Variants in ADCY2 observed in about 807,000 individuals in gnomAD.
ADCY2 encodes the protein adenylate cyclase 2.
Under a neutral mutation model 125.2 loss-of-function variants are expected in ADCY2, and 31 were observed. That is an observed-to-expected ratio of 0.25 (90% CI 0.19 to 0.33). The LOEUF is 0.33. Among genes scored for constraint, ADCY2 ranks in the 10% least tolerant of loss-of-function variants. ADCY2 has a pLI of 1.00. For synonymous variants in ADCY2, 512 were observed against 548.4 expected, an observed-to-expected ratio of 0.93 and a Z score of 0.93; for missense variants, 904 against 1,418.2, an observed-to-expected ratio of 0.64 and a Z score of 5.82.
chr5:7,506,892 A>G (rs1743841386), intron 2 of ADCY2, among the ~76,000 whole-genome samples: 1 of 131,250 alleles, frequency 7.6e-6, no homozygotes, highest in Admixed American at 9.6e-5. Context: ...GGTTCACGCC[A>G]TTCTCCTGCC....
chr5:7,770,032 C>T (rs1194694685), intron 17 of ADCY2, among the ~76,000 whole-genome samples: 1 of 152,178 alleles, frequency 6.6e-6, no homozygotes, highest in Non-Finnish European at 1.5e-5. Flanking sequence ...GTGTCCTCTC[C>T]CACACATCCC....
At chr5:7,579,303 A>G (rs1442531301) in intron 3 of ADCY2, among the ~76,000 whole-genome samples, 1 of 152,198 alleles carries the variant, frequency 6.6e-6, no homozygotes. Flanking sequence ...ACTCAGTGCC[A>G]GTTGGGATGG....
intron 15 of ADCY2, among the ~76,000 whole-genome samples, chr5:7,750,182 T>A (rs1000647256): frequency 7.2e-5 from 11 of 152,196 alleles, no homozygotes; most frequent in Non-Finnish European, 1.5e-4. Flanking sequence ...CTACTTGTTT[T>A]TCCTTCTTTT....
At position 7,396,447 on chromosome 5, in the gene ADCY2, C is replaced by A; in HGVS notation, c.151C>A (p.Leu51Met). 1 of 1,578,492 alleles carries A rather than the reference C, an allele frequency of 6.3e-7. No homozygotes were observed. The highest frequency in any genetic ancestry group is 1.1e-5 in the South Asian group (1 of 88,152). Reference protein sequence around the residue: ...SQQHPLIVFLLLIVMGSCLAL... With the variant: ...SQQHPLIVFLMLIVMGSCLAL... Reference sequence around the variant, plus strand: ...GCAGCACCCGCTCATCGTCTTCCTGCTGCTCATCGTCATGGGCTCCTGCCT... The same window carrying A: ...GCAGCACCCGCTCATCGTCTTCCTGATGCTCATCGTCATGGGCTCCTGCCT... The change falls in exon 1 of 25, where the codon CTG (leucine) becomes ATG (methionine). Residue 51 changes from leucine (L) to methionine (M), a missense_variant. Coordinates refer to ENST00000338316, the MANE Select transcript of ADCY2 (RefSeq NM_020546.3). The surrounding 1 kb of genome is among the most constrained non-coding windows in gnomAD (Gnocchi z 5.7).
At chr5:7,757,926 T>G (rs4072339) in intron 16 of ADCY2, among the ~76,000 whole-genome samples, 77,141 of 152,008 alleles carry the variant, frequency 0.51, 20,587 homozygotes, top group African/African-American at 0.67. Flanking sequence ...ACTCCTTGGA[T>G]CAGTTCCCCA....
At position 7,448,006 on chromosome 5, in the gene ADCY2, TC is replaced by T. The variant is rs1372945745; in HGVS notation, c.408+33239del. 2.0e-5 allele frequency among the ~76,000 whole-genome samples: 3 copies of T among 152,170 alleles called. No individual in the cohort carries two copies. The East Asian group carries it at 5.8e-4, about 29-fold the overall frequency. ...CCACAGACACGGTGACCAGAGGGTG[TC>T]CCTTGAAGAGGCCTCCCAAATATCT... On this transcript the variant is annotated intron_variant, in intron 2 of 24. Coordinates refer to ENST00000338316, the MANE Select transcript of ADCY2 (RefSeq NM_020546.3).
intron 2 of ADCY2, among the ~76,000 whole-genome samples, chr5:7,499,870 A>G (rs987512192): frequency 5.3e-5 from 8 of 151,970 alleles, no homozygotes; most frequent in Admixed American, 1.3e-4. Context: ...CTACTTGGCC[A>G]AGTTGGAAAC....
At chr5:7,794,133 C>T (rs1744342768) in intron 20 of ADCY2, 1 of 152,224 alleles carries the variant, frequency 6.6e-6, no homozygotes, top group Admixed American at 6.5e-5. Context: ...CATCATCATT[C>T]CCACTGTGAT....
At chr5:7,719,056 C>T (rs561964816) in intron 12 of ADCY2, among the ~76,000 whole-genome samples, 69 of 152,256 alleles carry the variant, frequency 4.5e-4, no homozygotes, top group African/African-American at 1.5e-3. Flanking sequence ...CATGTGTTAA[C>T]GCAGGACACC....
At chr5:7,650,783 G>A (rs1489479305) in intron 4 of ADCY2, among the ~76,000 whole-genome samples, 3 of 152,204 alleles carry the variant, frequency 2.0e-5, no homozygotes, top group Admixed American at 6.5e-5. Flanking sequence ...AGAAAATAGA[G>A]TTGAACAAAG....
intron 4 of ADCY2, among the ~76,000 whole-genome samples, chr5:7,638,839 C>G (rs1738595688): frequency 6.6e-6 from 1 of 152,200 alleles, no homozygotes. Context: ...CAAATCTCAT[C>G]TTGTAGCTCC....
At chr5:7,626,512 C>T (rs1298534876) in intron 4 of ADCY2, among the ~76,000 whole-genome samples, 196 bp downstream of exon 4, 2 of 152,092 alleles carry the variant, frequency 1.3e-5, no homozygotes, top group Admixed American at 1.3e-4. Context: ...GGGTAATTTA[C>T]CAAGAAAAGA....
chr5:7,693,107 A>G (rs78463079), intron 5 of ADCY2, among the ~76,000 whole-genome samples: 11 of 152,166 alleles, frequency 7.2e-5, no homozygotes, highest in Non-Finnish European at 1.3e-4. Flanking sequence ...CTCCCACACA[A>G]TGCCCCCCAC....
rs150362683 is a variant in ADCY2 at position 7,696,051 on chromosome 5, G to A, written c.981+188G>A. 7.9e-5 allele frequency among the ~76,000 whole-genome samples: 12 copies of A among 152,204 alleles called. No individual in the cohort carries two copies. The East Asian group carries it at 1.9e-3, about 24-fold the overall frequency. On this transcript the variant is annotated intron_variant, in intron 6 of 24. Transcript: ENST00000338316. ...AAACCTGTCTCAGGGATGAAAAAAC[G>A]CCATGGCATATCATTATCACGTTTT...
At chr5:7,714,353 A>G (rs1427516353) in intron 11 of ADCY2, among the ~76,000 whole-genome samples, 3 of 152,252 alleles carry the variant, frequency 2.0e-5, no homozygotes, top group Non-Finnish European at 2.9e-5. Context: ...TATAGAAGTT[A>G]CGATGGGTAA....
intron 18 of ADCY2, among the ~76,000 whole-genome samples, chr5:7,778,355 T>C (rs1743809273): frequency 6.6e-6 from 1 of 152,196 alleles, no homozygotes; most frequent in South Asian, 2.1e-4. Context: ...AAATCTACCT[T>C]TAATTCTAGA....
intron 1 of ADCY2, among the ~76,000 whole-genome samples, chr5:7,405,890 G>C (rs1239419404): frequency 6.6e-6 from 1 of 152,136 alleles, no homozygotes; most frequent in Non-Finnish European, 1.5e-5. Context: ...ACAGGGTCTT[G>C]CTCTGTCATC....
At chr5:7,542,236 T>G (rs1179299675) in intron 3 of ADCY2, among the ~76,000 whole-genome samples, 3 of 152,230 alleles carry the variant, frequency 2.0e-5, no homozygotes, top group Non-Finnish European at 4.4e-5. Flanking sequence ...TCAGAACTCA[T>G]GTGTTGAAAG....
At chr5:7,405,297 A>G (rs1036235603) in intron 1 of ADCY2, among the ~76,000 whole-genome samples, 1 of 150,174 alleles carries the variant, frequency 6.7e-6, no homozygotes, top group Non-Finnish European at 1.5e-5. Flanking sequence ...ACAGATTTGA[A>G]CTACTCTTTT....
Sources: allele counts gnomAD v4.1 joint callset (sites outside exome capture counted in the v4.1 genomes callset), GRCh38; gene constraint gnomAD v4.1.1; non-coding constraint Gnocchi (gnomAD v3.1); transcripts MANE v1.5; gene names NCBI Gene and HGNC (gene_info 2026-07-23, HGNC 2026-07-21).